The following KCNAB3 variants were observed in gnomAD, a reference collection of about 807,000 sequenced individuals.
KCNAB3 encodes the protein potassium voltage-gated channel subfamily A regulatory beta subunit 3.
KCNAB3 carries 62 observed loss-of-function variants against 67.7 expected under a neutral mutation model. That is an observed-to-expected ratio of 0.92 (90% CI 0.75 to 1.13). KCNAB3 has a LOEUF of 1.13. KCNAB3 is among the 50% of genes most tolerant of loss of function. The pLI, the probability that KCNAB3 is intolerant of heterozygous loss-of-function variation, is 0.00. For synonymous variants in KCNAB3, 212 were observed against 205.4 expected (o/e 1.03, Z -0.27); for missense variants, 514 against 522.9 (o/e 0.98, Z 0.17).
rs548849451 is a variant in KCNAB3 at position 7,929,735 on chromosome 17, G to T, written c.-300C>A. On this transcript the variant is annotated 5_prime_UTR_variant, in exon 1 of 14. Coordinates refer to ENST00000303790, the MANE Select transcript of KCNAB3 (RefSeq NM_004732.4). This position sits in a 1 kb window ranked among gnomAD's most constrained non-coding sequence, Gnocchi z 5.7. ...ATGGATGAGGGTAAAGGTCGAGGATGAGGTAAAGGTCTCGGAGGATAAGGA... is the reference window on the plus strand; with the variant it reads ...ATGGATGAGGGTAAAGGTCGAGGATTAGGTAAAGGTCTCGGAGGATAAGGA... 67 of 1,278,340 alleles carry T rather than the reference G, an allele frequency of 5.2e-5. 1 individual carries two copies. In the South Asian group the frequency reaches 1.1e-3, roughly 20 times the overall value. 79.2% of individuals were successfully genotyped at this position (1,278,340 alleles called of 1,614,324 possible). A position where few individuals can be genotyped will look rare whatever the true frequency, so the allele number is the denominator to read the frequency against.
rs573921753 is a variant in KCNAB3, at chr17:7,922,790, A to G, written c.*312T>C. ...GTTTTCTTTTCTGGGCCTCGGGAAT[A>G]AGGGGAGGAGAGTAGGGAGCGAGAC... is the stretch of plus-strand genomic sequence containing the variant. On this transcript the variant is annotated 3_prime_UTR_variant, in exon 14 of 14. Coordinates refer to ENST00000303790, the MANE Select transcript of KCNAB3 (RefSeq NM_004732.4). The G allele has an allele frequency of 2.9e-5, 13 of 443,872 alleles. No homozygotes were observed. The South Asian group carries it at 3.8e-4, about 13-fold the overall frequency. The allele number at this position is 443,872 out of a possible 1,614,324, so 27.5% of individuals were successfully genotyped here.
At chr17:7,923,222 T>A (rs1598031660) in intron 13 of KCNAB3, 43 bp from the exon 14 acceptor site, 1 of 1,584,808 alleles carries the variant, frequency 6.3e-7, no homozygotes, top group Non-Finnish European at 8.7e-7. Flanking sequence ...CCATGCTGGG[T>A]CACTGAGAAA....
chr17:7,929,593 C>G lies in KCNAB3; in HGVS notation c.-158G>C. On this transcript the variant is annotated 5_prime_UTR_variant, in exon 1 of 14. Transcript: ENST00000303790. This position sits in a 1 kb window ranked among gnomAD's most constrained non-coding sequence, Gnocchi z 5.7. ...GAGCCGCCAGGCAGGATCGGGCCCG[C>G]GGGGGCGGGCTGCTGGAGGTCGCGA... The G allele has an allele frequency of 7.1e-7, 1 of 1,411,514 alleles. No homozygotes were observed. Among genetic ancestry groups the G allele is most frequent in the South Asian group, 1.5e-5 (1 of 64,572 alleles). The allele number at this position is 1,411,514 out of a possible 1,614,324, so 87.4% of individuals were successfully genotyped here.
chr17:7,923,382 C>T, intron 13 of KCNAB3, 74 bp downstream of exon 13: 1 of 1,465,850 alleles, frequency 6.8e-7, no homozygotes, highest in East Asian at 2.4e-5. Context: ...ATAGAGCCAT[C>T]CTGGGTTGGA....
chr17:7,922,960 C>T lies in KCNAB3; in HGVS notation c.*142G>A, dbSNP rs1386930840. The T allele has an allele frequency of 1.5e-5, 11 of 750,646 alleles. No homozygotes were observed. The highest frequency in any genetic ancestry group is 2.3e-5 in the Non-Finnish European group (10 of 428,518). 46.5% of individuals were successfully genotyped at this position (750,646 alleles called of 1,614,324 possible). ...GGCTTTGTTCATGCGTATCACTACT[C>T]GAAGCCGGGACTCGTTGGTGGGCGG... is the stretch of plus-strand genomic sequence containing the variant. On this transcript the variant is annotated 3_prime_UTR_variant, in exon 14 of 14. Transcript: ENST00000303790.
At position 7,929,835 on chromosome 17, in the gene KCNAB3, G is replaced by GATT; in HGVS notation, c.-401_-400insAAT. ...TGCGGGACCCGCTGGGCTCCCAGCC[G>GATT]CGTCGGCAGCGGGCCCAGCTCATCA... On this transcript the variant is annotated 5_prime_UTR_variant, in exon 1 of 14. Coordinates refer to ENST00000303790, the MANE Select transcript of KCNAB3 (RefSeq NM_004732.4). The surrounding 1 kb of genome is among the most constrained non-coding windows in gnomAD (Gnocchi z 5.7). 9 of 1,029,894 alleles carry GATT rather than the reference G, an allele frequency of 8.7e-6. No individual in the cohort carries two copies. Among genetic ancestry groups the GATT allele is most frequent in the South Asian group, 3.5e-5 (1 of 28,924 alleles). The allele number at this position is 1,029,894 out of a possible 1,614,324, so 63.8% of individuals were successfully genotyped here. A position where few individuals can be genotyped will look rare whatever the true frequency, so the allele number is the denominator to read the frequency against.
chr17:7,925,264 A>C, intron 7 of KCNAB3, 81 bp from the exon 8 acceptor site: 1 of 1,113,816 alleles, frequency 9.0e-7, no homozygotes. Flanking sequence ...GTGGTGGCTC[A>C]TGCCTGTAAT....
At position 7,927,358 on chromosome 17, in the gene KCNAB3, C is replaced by T; in HGVS notation, c.390G>A (p.Val130=). The part of the protein sequence containing the change: ...HGVNLFDTAE[V]YAAGKAERTL... ...CCAGTCCTTACTTTCCTGCTGCGTA[C>T]ACTTCGGCGGTGTCAAACAGGTTTA... The change falls in exon 4 of 14, where the codon GTG becomes GTA. Residue 130 remains valine (V), a synonymous_variant. Transcript: ENST00000303790. 2 of 1,613,922 alleles carry T rather than the reference C, an allele frequency of 1.2e-6. No individual in the cohort carries two copies. The highest frequency in any genetic ancestry group is 1.7e-6 in the Non-Finnish European group (2 of 1,179,996).
intron 6 of KCNAB3, 91 bp from the exon 7 acceptor site, chr17:7,925,817 C>T: frequency 6.3e-7 from 1 of 1,596,080 alleles, no homozygotes; most frequent in Admixed American, 1.7e-5. Context: ...TTGCACGAGT[C>T]TTCACAGGCA....
Position 7,929,060 on chromosome 17 carries a change from G to C in KCNAB3, c.242+134C>G. On this transcript the variant is annotated intron_variant, in intron 1 of 13. Transcript: ENST00000303790. This position sits in a 1 kb window ranked among gnomAD's most constrained non-coding sequence, Gnocchi z 5.7. ...AGAGGGACAAAGTGAGGGAGTGCCA[G>C]AGACAGAAAGAAGAGATGGAAAGAA... 1.5e-6 allele frequency: 2 copies of C among 1,346,016 alleles called. No homozygotes were observed. Among genetic ancestry groups the C allele is most frequent in the African/African-American group, 1.5e-5 (1 of 67,896 alleles). 83.4% of individuals were successfully genotyped at this position (1,346,016 alleles called of 1,614,324 possible). A position where few individuals can be genotyped will look rare whatever the true frequency, so the allele number is the denominator to read the frequency against.
At position 7,929,459 on chromosome 17, in the gene KCNAB3, G is replaced by C. The variant is rs941549767; in HGVS notation, c.-24C>G. On this transcript the variant is annotated 5_prime_UTR_variant, in exon 1 of 14. Coordinates refer to ENST00000303790, the MANE Select transcript of KCNAB3 (RefSeq NM_004732.4). This position sits in a 1 kb window ranked among gnomAD's most constrained non-coding sequence, Gnocchi z 5.7. ...ATGCTGGCTGGCCGAGGCGGGGGAG[G>C]GGGCTCCGAGGGGACGGGAGGGGGG... 1 of 1,526,936 alleles carries C rather than the reference G, an allele frequency of 6.5e-7. No homozygotes were observed. Among genetic ancestry groups the C allele is most frequent in the South Asian group, 1.2e-5 (1 of 82,890 alleles). The allele number at this position is 1,526,936 out of a possible 1,614,324, so 94.6% of individuals were successfully genotyped here. A position where few individuals can be genotyped will look rare whatever the true frequency, so the allele number is the denominator to read the frequency against.
intron 8 of KCNAB3, chr17:7,924,762 A>C (rs1972169234): frequency 8.7e-7 from 1 of 1,150,228 alleles, no homozygotes; most frequent in East Asian, 3.0e-5. Context: ...AGATTTTTTG[A>C]GACAGGGTCT....
chr17:7,922,775 C>A lies in KCNAB3; in HGVS notation c.*327G>T. ...TGGGTTTTTGTTTTTGTTTTCTTTT[C>A]TGGGCCTCGGGAATAAGGGGAGGAG... On this transcript the variant is annotated 3_prime_UTR_variant, in exon 14 of 14. Coordinates refer to ENST00000303790, the MANE Select transcript of KCNAB3 (RefSeq NM_004732.4). The A allele has an allele frequency of 2.4e-6, 1 of 413,540 alleles. No individual in the cohort carries two copies. Among genetic ancestry groups the A allele is most frequent in the East Asian group, 4.2e-5 (1 of 23,682 alleles). The allele number at this position is 413,540 out of a possible 1,614,324, so 25.6% of individuals were successfully genotyped here.
chr17:7,924,533 C>T (rs1439358337), intron 8 of KCNAB3, 33 bp from the exon 9 acceptor site: 1 of 1,584,682 alleles, frequency 6.3e-7, no homozygotes, highest in East Asian at 2.2e-5. Context: ...GCCTTACTGT[C>T]AGAGCCCTGG....
intron 4 of KCNAB3, among the ~76,000 whole-genome samples, chr17:7,926,637 A>G (rs1300020095): frequency 6.6e-6 from 1 of 152,170 alleles, no homozygotes; most frequent in Non-Finnish European, 1.5e-5. Flanking sequence ...GTCATGGTGG[A>G]CTGTTACTGA....
intron 12 of KCNAB3, 81 bp from the exon 13 acceptor site, chr17:7,923,625 G>T: frequency 6.4e-7 from 1 of 1,552,794 alleles, no homozygotes; most frequent in South Asian, 1.2e-5. Context: ...GAAGACAAGC[G>T]TCCTCCCTAG....
rs966608577 is a variant in KCNAB3, at chr17:7,923,046, A to G, written c.*56T>C. The G allele has an allele frequency of 6.6e-5, 102 of 1,537,822 alleles. No homozygotes were observed. The highest frequency in any genetic ancestry group is 1.5e-4 in the African/African-American group (11 of 73,450). The stretch of plus-strand genomic sequence containing the variant: ...CGGAGCGGGAGAGGCGGCTGCGAGG[A>G]GCGGGGCTCGGGCGGGTGCAGCGAC... On this transcript the variant is annotated 3_prime_UTR_variant, in exon 14 of 14. Transcript: ENST00000303790.
rs142341353 is a variant in KCNAB3, at chr17:7,925,145, C to T, written c.577G>A (p.Val193Met). Residue 193 changes from valine to methionine, a missense_variant, in exon 8 of 14, where the codon GTG becomes ATG. Coordinates refer to ENST00000303790, the MANE Select transcript of KCNAB3 (RefSeq NM_004732.4). ...GAGCGATTGGCAAAGACAATGTCCA[C>T]GTATCCCAGCTGGAGGCGTTCCAGG... ...GSLERLQLGYVDIVFANRSDP... is the reference protein window; with the variant it reads ...GSLERLQLGYMDIVFANRSDP... 74 of 1,613,596 alleles carry T rather than the reference C, an allele frequency of 4.6e-5. No individual in the cohort carries two copies. Among genetic ancestry groups the T allele is most frequent in the African/African-American group, 9.4e-5 (7 of 74,866 alleles).
chr17:7,923,023 G>A lies in KCNAB3; in HGVS notation c.*79C>T. On this transcript the variant is annotated 3_prime_UTR_variant, in exon 14 of 14. Transcript: ENST00000303790. The stretch of plus-strand genomic sequence containing the variant: ...TCCGGCCGCTGCGTGGAGGGATCCG[G>A]AGCGGGAGAGGCGGCTGCGAGGAGC... 2.2e-6 allele frequency: 3 copies of A among 1,380,282 alleles called. No homozygotes were observed. Among genetic ancestry groups the A allele is most frequent in the South Asian group, 2.3e-5 (2 of 86,086 alleles). The allele number at this position is 1,380,282 out of a possible 1,614,324, so 85.5% of individuals were successfully genotyped here. A position where few individuals can be genotyped will look rare whatever the true frequency, so the allele number is the denominator to read the frequency against.
Sources: gnomAD v4.1 joint callset for allele counts (sites outside exome capture counted in the v4.1 genomes callset) on GRCh38, gnomAD v4.1.1 for gene constraint, Gnocchi (gnomAD v3.1) non-coding constraint, MANE v1.5 for transcripts, NCBI Gene and HGNC (gene_info 2026-07-23, HGNC 2026-07-21) for gene names.